The following CCDC178 variants were observed in gnomAD, a reference collection of about 807,000 sequenced individuals.
The protein encoded by CCDC178 is coiled-coil domain containing 178, also known as coiled-coil domain-containing protein 178.
Under a neutral mutation model 117.4 loss-of-function variants are expected in CCDC178, and 126 were observed. The ratio of observed to expected loss-of-function variants is 1.07; its 90% CI spans 0.93 to 1.24. CCDC178 has a LOEUF of 1.24. CCDC178 is among the 50% of genes most tolerant of loss of function. CCDC178 has a pLI of 0.00. For missense variants in CCDC178, 1,030 were observed against 986.9 expected (o/e 1.04, Z -0.59); for synonymous variants, 283 against 313.4 (o/e 0.90, Z 1.02).
intron 20 of CCDC178, among the ~76,000 whole-genome samples, chr18:33,105,755 T>C (rs1333399717): frequency 6.6e-6 from 1 of 151,796 alleles, no homozygotes; most frequent in South Asian, 2.1e-4. Context: ...TCTCTCTGTG[T>C]TGCATTCCAG....
chr18:33,375,498 C>T (rs2144774897), intron 5 of CCDC178, among the ~76,000 whole-genome samples: 1 of 152,152 alleles, frequency 6.6e-6, no homozygotes, highest in East Asian at 1.9e-4. Flanking sequence ...AGGTCTGGGC[C>T]TGCAGAATCC....
intron 9 of CCDC178, among the ~76,000 whole-genome samples, chr18:33,344,461 T>A (rs1176486172): frequency 6.6e-6 from 1 of 152,166 alleles, no homozygotes; most frequent in Non-Finnish European, 1.5e-5. Flanking sequence ...AACAATAAGT[T>A]GTCACCCATA....
intron 3 of CCDC178, 93 bp downstream of exon 3, chr18:33,411,938 T>A (rs1482077462): frequency 3.3e-6 from 2 of 603,050 alleles, no homozygotes; most frequent in African/African-American, 3.9e-5. Flanking sequence ...TGGAAAAGAT[T>A]ACTATCTTTG....
intron 21 of CCDC178, among the ~76,000 whole-genome samples, chr18:33,049,265 T>TCC (rs2056700511): frequency 4.6e-5 from 7 of 152,244 alleles, no homozygotes; most frequent in Admixed American, 3.3e-4. Context: ...TGAGAAACTA[T>TCC]AATAACTTAT....
intron 21 of CCDC178, among the ~76,000 whole-genome samples, chr18:32,998,502 T>A (rs1175426995): frequency 1.3e-5 from 2 of 152,024 alleles, no homozygotes; most frequent in African/African-American, 4.8e-5. Flanking sequence ...GCTGGAGCAG[T>A]CAAGAGAGTG....
chr18:33,139,298 G>T (rs1005903074), intron 20 of CCDC178, among the ~76,000 whole-genome samples: 2 of 152,116 alleles, frequency 1.3e-5, no homozygotes, highest in African/African-American at 4.8e-5. Flanking sequence ...AGTAGAGTGG[G>T]GTGTTGCTGA....
chr18:33,132,207 T>C (rs1278036840), intron 20 of CCDC178, among the ~76,000 whole-genome samples: 1 of 151,766 alleles, frequency 6.6e-6, no homozygotes, highest in East Asian at 1.9e-4. Flanking sequence ...AGTTGTTTTC[T>C]GTGGAAATAT....
intron 22 of CCDC178, among the ~76,000 whole-genome samples, chr18:32,963,748 T>C (rs2054753833): frequency 1.3e-5 from 2 of 152,012 alleles, no homozygotes; most frequent in African/African-American, 4.8e-5. Flanking sequence ...TCATTTGTAT[T>C]TACACAATAT....
At chr18:33,298,766 G>C (rs2062139505) in intron 11 of CCDC178, among the ~76,000 whole-genome samples, 1 of 152,060 alleles carries the variant, frequency 6.6e-6, no homozygotes, top group African/African-American at 2.4e-5. Context: ...GCTTAGAACT[G>C]ATAAATGAAT....
At chr18:33,344,813 A>G (rs1439032967) in intron 9 of CCDC178, among the ~76,000 whole-genome samples, 9 of 131,940 alleles carry the variant, frequency 6.8e-5, no homozygotes, top group African/African-American at 1.2e-4. Flanking sequence ...GCACACACAC[A>G]CACACACACA....
intron 14 of CCDC178, among the ~76,000 whole-genome samples, chr18:33,252,024 A>C (rs2059623760): frequency 6.6e-6 from 1 of 151,768 alleles, no homozygotes. Flanking sequence ...AAAATGTAGT[A>C]AGGATGATAG....
At chr18:33,429,437 G>C (rs759160018) in intron 2 of CCDC178, among the ~76,000 whole-genome samples, 1 of 151,984 alleles carries the variant, frequency 6.6e-6, no homozygotes, top group Non-Finnish European at 1.5e-5. Flanking sequence ...GTAACAAGAT[G>C]AAACAAGTTT....
At chr18:33,323,233 G>A in intron 11 of CCDC178, 1 of 214,766 alleles carries the variant, frequency 4.7e-6, no homozygotes, top group Non-Finnish European at 9.0e-6. Context: ...CATGTCCTCA[G>A]GCAATTTTGC....
chr18:33,174,400 G>C (rs191590501), intron 20 of CCDC178, among the ~76,000 whole-genome samples: 1 of 152,270 alleles, frequency 6.6e-6, no homozygotes, highest in East Asian at 1.9e-4. Context: ...CACATTCAAA[G>C]TTAAATAACA....
chr18:33,327,547 G>A (rs1301350933), intron 10 of CCDC178, among the ~76,000 whole-genome samples: 3 of 152,106 alleles, frequency 2.0e-5, no homozygotes, highest in African/African-American at 7.2e-5. Context: ...TTCCATAGCG[G>A]CTGCACTATT....
At chr18:33,305,070 C>T (rs1319844055) in intron 11 of CCDC178, among the ~76,000 whole-genome samples, 1 of 152,098 alleles carries the variant, frequency 6.6e-6, no homozygotes, top group Non-Finnish European at 1.5e-5. Flanking sequence ...CTTAATGAAA[C>T]CAAACAAGGA....
intron 15 of CCDC178, among the ~76,000 whole-genome samples, chr18:33,232,930 G>A (rs1166591902): frequency 3.9e-5 from 6 of 151,952 alleles, no homozygotes; most frequent in African/African-American, 7.2e-5. Context: ...AATACTCATA[G>A]ATTTAAACAC....
At chr18:33,270,469 C>T (rs1397237672) in intron 12 of CCDC178, among the ~76,000 whole-genome samples, 1 of 151,322 alleles carries the variant, frequency 6.6e-6, no homozygotes, top group Middle Eastern at 3.2e-3. Context: ...AAGTCAAAGA[C>T]AAAGAGACAC....
chr18:33,256,611 T>C (rs2059683154), intron 14 of CCDC178, among the ~76,000 whole-genome samples: 1 of 152,122 alleles, frequency 6.6e-6, no homozygotes, highest in Admixed American at 6.6e-5. Context: ...TGAAAATCTA[T>C]GTTCTAAAAA....
Sources: allele counts gnomAD v4.1 joint callset (sites outside exome capture counted in the v4.1 genomes callset), GRCh38; gene constraint gnomAD v4.1.1; transcripts MANE v1.5; gene names NCBI Gene and HGNC (gene_info 2026-07-23, HGNC 2026-07-21).